Variants in FAM167A observed in about 807,000 individuals in gnomAD.
The protein encoded by FAM167A is family with sequence similarity 167 member A.
FAM167A carries 23 observed loss-of-function variants against 14.9 expected under a neutral mutation model. The ratio of observed to expected loss-of-function variants is 1.55; its 90% CI spans 1.11 to 2.19. The LOEUF (loss-of-function observed/expected upper bound fraction) is 2.19. FAM167A is among the 30% of genes most tolerant of loss of function. FAM167A has a pLI of 0.00. For missense variants in FAM167A, 401 were observed against 281.5 expected (o/e 1.42, Z -3.04); for synonymous variants, 174 against 117.7 (o/e 1.48, Z -3.10).
chr8:11,448,110 C>A (rs1197979228), intron 1 of FAM167A, among the ~76,000 whole-genome samples: 1 of 151,832 alleles, frequency 6.6e-6, no homozygotes, highest in Non-Finnish European at 1.5e-5. Context: ...AGGAGAATCG[C>A]TTGAAACCAG....
chr8:11,449,347 G>A (rs918602393), intron 1 of FAM167A, among the ~76,000 whole-genome samples: 3 of 152,204 alleles, frequency 2.0e-5, no homozygotes, highest in East Asian at 1.9e-4. Context: ...GGCCTGAGCC[G>A]GCAGAGAGGT....
Position 11,448,403 on chromosome 8 carries a change from GT to G in FAM167A, c.-397-3596del, listed in dbSNP as rs1181566786. ...TGGTCTACAGGAAGCCCTAGACATA[GT>G]CATGTAGCCTTAGTCATGGTTTTTA... On this transcript the variant is annotated intron_variant, in intron 1 of 2. Coordinates refer to ENST00000284486, the MANE Select transcript of FAM167A (RefSeq NM_053279.3). Among the ~76,000 whole-genome samples the G allele has an allele frequency of 2.0e-5, 3 of 152,156 alleles. No individual in the cohort carries two copies. In the East Asian group the frequency reaches 5.8e-4, roughly 29 times the overall value.
chr8:11,423,655 T>C lies in FAM167A; in HGVS notation c.*718A>G, dbSNP rs1311393136. The C allele has an allele frequency of 1.3e-5, 2 of 152,300 alleles. No individual in the cohort carries two copies. The highest frequency in any genetic ancestry group is 2.4e-5 in the African/African-American group (1 of 41,452). The allele number at this position is 152,300 out of a possible 1,614,324, so 9.4% of individuals were successfully genotyped here. On this transcript the variant is annotated 3_prime_UTR_variant, in exon 3 of 3. Transcript: ENST00000284486. ...AGTGAAGAGGCTCTTTGGAGATGCA[T>C]GTGGCCAGGGGAGACAATGGGGACA...
chr8:11,426,586 C>A (rs557656097), intron 2 of FAM167A, among the ~76,000 whole-genome samples: 1 of 152,158 alleles, frequency 6.6e-6, no homozygotes, highest in East Asian at 1.9e-4. Context: ...AGGATGCACA[C>A]CTGGGAGGCA....
rs1804733978 is a variant in FAM167A at position 11,421,641 on chromosome 8, T to C, written c.*2732A>G. On this transcript the variant is annotated 3_prime_UTR_variant, in exon 3 of 3. Transcript: ENST00000284486. Reference sequence around the variant, plus strand: ...TGTGGGTCTTGAACTCGGTCAGGCATCGTCAAGCCTGCCCAGGCCCTCCAG... The same window carrying C: ...TGTGGGTCTTGAACTCGGTCAGGCACCGTCAAGCCTGCCCAGGCCCTCCAG... 5.0e-6 allele frequency: 2 copies of C among 398,654 alleles called. No homozygotes were observed. The highest frequency in any genetic ancestry group is 4.1e-5 in the African/African-American group (2 of 48,606). 24.7% of individuals were successfully genotyped at this position (398,654 alleles called of 1,614,324 possible).
intron 2 of FAM167A, 136 bp from the exon 3 acceptor site, chr8:11,424,772 C>T: frequency 7.8e-7 from 1 of 1,285,788 alleles, no homozygotes; most frequent in Non-Finnish European, 1.1e-6. Context: ...ACTTTCCCTG[C>T]TCAGGGAGGT....
chr8:11,469,810 T>G (rs112457360), upstream of FAM167A, among the ~76,000 whole-genome samples: 1 of 151,086 alleles, frequency 6.6e-6, no homozygotes, highest in African/African-American at 2.4e-5. Context: ...AACCCAGGAG[T>G]TGAAGGTTGC....
At chr8:11,470,214 G>T (rs150638477), upstream of FAM167A, among the ~76,000 whole-genome samples, 82 of 152,214 alleles carry the variant, frequency 5.4e-4, no homozygotes, top group African/African-American at 1.8e-3. Flanking sequence ...GGAAGAGTGT[G>T]CACGTTTTCA....
chr8:11,453,666 C>T (rs1193365612), intron 1 of FAM167A, among the ~76,000 whole-genome samples: 1 of 152,150 alleles, frequency 6.6e-6, no homozygotes, highest in Non-Finnish European at 1.5e-5. Context: ...TGACCCTCCC[C>T]ATGGTCTACT....
rs1291018308 is a variant in FAM167A, at chr8:11,423,729, C to T, written c.*644G>A. 6.5e-6 allele frequency: 1 copy of T among 153,564 alleles called. No homozygotes were observed. The highest frequency in any genetic ancestry group is 1.9e-4 in the East Asian group (1 of 5,188). The allele number at this position is 153,564 out of a possible 1,614,324, so 9.5% of individuals were successfully genotyped here. ...ACGCTAGTGCCCCCATCACATGTCC[C>T]AGCACACGCCAGAATTTACAATTTA... is the stretch of plus-strand genomic sequence containing the variant. On this transcript the variant is annotated 3_prime_UTR_variant, in exon 3 of 3. Coordinates refer to ENST00000284486, the MANE Select transcript of FAM167A (RefSeq NM_053279.3).
upstream of FAM167A, among the ~76,000 whole-genome samples, chr8:11,468,551 A>T (rs946859455): frequency 6.6e-6 from 1 of 152,226 alleles, no homozygotes; most frequent in South Asian, 2.1e-4. Context: ...CAGGAGCCTC[A>T]ATCTGGACTT....
rs180683386 is a variant in FAM167A at position 11,427,868 on chromosome 8, C to G, written c.382-3232G>C. ...ACTCAAATTTATTGCTAATTAAATTCTATTGACCTAGAATAGCACCAAATT... is the reference window on the plus strand; with the variant it reads ...ACTCAAATTTATTGCTAATTAAATTGTATTGACCTAGAATAGCACCAAATT... On this transcript the variant is annotated intron_variant, in intron 2 of 2. Transcript: ENST00000284486. Among the ~76,000 whole-genome samples the G allele has an allele frequency of 5.0e-4, 76 of 152,254 alleles. No individual in the cohort carries two copies. The East Asian group carries it at 0.013, about 26-fold the overall frequency.
chr8:11,427,226 C>G (rs1805232072), intron 2 of FAM167A, among the ~76,000 whole-genome samples: 1 of 152,154 alleles, frequency 6.6e-6, no homozygotes, highest in South Asian at 2.1e-4. Flanking sequence ...CACAGCCACT[C>G]CTGAGGTACC....
intron 2 of FAM167A, among the ~76,000 whole-genome samples, chr8:11,436,594 A>T (rs1806035375): frequency 6.6e-6 from 1 of 151,970 alleles, no homozygotes. Context: ...TCTCAATTCC[A>T]CCTGCAGGAA....
At chr8:11,443,976 C>T in intron 2 of FAM167A, 55 bp downstream of exon 2, 3 of 1,558,008 alleles carry the variant, frequency 1.9e-6, no homozygotes, top group Non-Finnish European at 2.6e-6. Context: ...GAAAAAGACA[C>T]AGAGAGACGG....
In FAM167A at chr8:11,422,109, C is replaced by A; in HGVS notation, c.*2264G>T. On this transcript the variant is annotated 3_prime_UTR_variant, in exon 3 of 3. Transcript: ENST00000284486. ...CAAACATGTGTCTTGATCTTAGTTT[C>A]CACCCAGAGAATGAAGAAAGCAAGC... is the stretch of plus-strand genomic sequence containing the variant. 1 of 307,612 alleles carries A rather than the reference C, an allele frequency of 3.3e-6. No homozygotes were observed. Among genetic ancestry groups the A allele is most frequent in the Non-Finnish European group, 5.9e-6 (1 of 169,320 alleles). 19.1% of individuals were successfully genotyped at this position (307,612 alleles called of 1,614,324 possible). A position where few individuals can be genotyped will look rare whatever the true frequency, so the allele number is the denominator to read the frequency against.
chr8:11,452,694 T>G (rs1286807550), intron 1 of FAM167A, among the ~76,000 whole-genome samples: 1 of 152,150 alleles, frequency 6.6e-6, no homozygotes, highest in African/African-American at 2.4e-5. Context: ...ACAGATAACT[T>G]TTCTCATGAA....
chr8:11,428,919 G>A (rs1406484655), intron 2 of FAM167A, among the ~76,000 whole-genome samples: 2 of 152,202 alleles, frequency 1.3e-5, no homozygotes, highest in African/African-American at 2.4e-5. Flanking sequence ...AAATGTGCAA[G>A]AATAAGAGGC....
At chr8:11,424,845 G>C (rs572423147) in intron 2 of FAM167A, among the ~76,000 whole-genome samples, 162 of 152,356 alleles carry the variant, frequency 1.1e-3, no homozygotes, top group Non-Finnish European at 1.8e-3. Context: ...CTTTGTGCTA[G>C]GCTAGTTGCT....
Sources: gnomAD v4.1 joint callset for allele counts (sites outside exome capture counted in the v4.1 genomes callset) on GRCh38, gnomAD v4.1.1 for gene constraint, MANE v1.5 for transcripts, NCBI Gene and HGNC (gene_info 2026-07-23, HGNC 2026-07-21) for gene names.